LMTK2: variants seen among roughly 807,000 people sequenced by gnomAD.
LMTK2 encodes the protein serine/threonine-protein kinase LMTK2.
A neutral mutation model predicts 127.5 loss-of-function variants in LMTK2; 37 were observed. That is an observed-to-expected ratio of 0.29 (90% CI 0.22 to 0.38). The LOEUF (loss-of-function observed/expected upper bound fraction) is 0.38. Ranked by LOEUF, LMTK2 falls within the 10% of genes least tolerant of loss-of-function variation. The pLI, the probability that LMTK2 is intolerant of heterozygous loss-of-function variation, is 1.00. For missense variants in LMTK2, 1,694 were observed against 1,920.3 expected, an observed-to-expected ratio of 0.88 and a Z score of 2.20; for synonymous variants, 819 against 810.1, an observed-to-expected ratio of 1.01 and a Z score of -0.19.
chr7:98,173,634 T>G (rs187978377), intron 7 of LMTK2, among the ~76,000 whole-genome samples: 1 of 152,348 alleles, frequency 6.6e-6, no homozygotes, highest in East Asian at 1.9e-4. Context: ...TCAGAGTAAA[T>G]AGTATTTTCC....
At chr7:98,164,066 C>G (rs1489836711) in intron 6 of LMTK2, among the ~76,000 whole-genome samples, 1 of 152,178 alleles carries the variant, frequency 6.6e-6, no homozygotes, top group South Asian at 2.1e-4. Flanking sequence ...TGGAATTAAC[C>G]AGCCTGTTTT....
At chr7:98,134,855 C>T (rs1796577052) in intron 1 of LMTK2, among the ~76,000 whole-genome samples, 1 of 152,126 alleles carries the variant, frequency 6.6e-6, no homozygotes, top group Admixed American at 6.5e-5. Context: ...TTAGGGAGTT[C>T]TTGTTCTCAT....
In LMTK2 at chr7:98,141,471, A is replaced by T. The variant is rs960435987; in HGVS notation, c.306A>T (p.Pro102=). ...PAEDTPSVQS[P]AEVFTLSVPN... The stretch of plus-strand genomic sequence containing the variant: ...AAGACACTCCCTCTGTTCAGTCCCC[A>T]GCAGAGGTCTTCACACTTTCAGTAC... The change falls in exon 3 of 14, where the codon CCA becomes CCT. Residue 102 remains proline (P), a synonymous_variant. Transcript: ENST00000297293. 4 of 1,613,850 alleles carry T rather than the reference A, an allele frequency of 2.5e-6. No homozygotes were observed. Among genetic ancestry groups the T allele is most frequent in the Non-Finnish European group, 3.4e-6 (4 of 1,179,684 alleles).
At chr7:98,111,905 T>C (rs768483915) in intron 1 of LMTK2, among the ~76,000 whole-genome samples, 11 of 152,240 alleles carry the variant, frequency 7.2e-5, no homozygotes, top group Admixed American at 7.2e-4. Context: ...ATTCGTAGTG[T>C]TGGAGAACTA....
Position 98,192,899 on chromosome 7 carries a change from GA to G in LMTK2, c.2436del (p.Val813CysfsTer33). The G allele has an allele frequency of 6.2e-7, 1 of 1,614,134 alleles. No individual in the cohort carries two copies. Among genetic ancestry groups the G allele is most frequent in the South Asian group, 1.1e-5 (1 of 91,082 alleles). On this transcript the variant is annotated frameshift_variant, in exon 11 of 14. Coordinates refer to ENST00000297293, the MANE Select transcript of LMTK2 (RefSeq NM_014916.4). LOFTEE classifies it high-confidence loss of function. ...TLSTSLQSSP[E>X]VQVPPTSFET... is the part of the protein sequence containing the mutation. ...GAGCACCTCATTGCAGTCTTCCCCG[GA>G]AGTGCAGGTACCTCCTACCTCCTTC...
intron 1 of LMTK2, among the ~76,000 whole-genome samples, chr7:98,118,316 T>C (rs1328399583): frequency 1.3e-5 from 2 of 152,230 alleles, no homozygotes; most frequent in Non-Finnish European, 2.9e-5. Flanking sequence ...AGCAGCTTAA[T>C]CTCTGAGAAT....
Position 98,191,986 on chromosome 7 carries a change from T to G in LMTK2, c.1521T>G (p.Val507=). 1.2e-6 allele frequency: 2 copies of G among 1,613,382 alleles called. No individual in the cohort carries two copies. Among genetic ancestry groups the G allele is most frequent in the Non-Finnish European group, 1.7e-6 (2 of 1,179,432 alleles). Residue 507 remains valine (V), a synonymous_variant, in exon 11 of 14, where the codon GTT becomes GTG. Coordinates refer to ENST00000297293, the MANE Select transcript of LMTK2 (RefSeq NM_014916.4). ...GLSYTSIFYP[V]EVFESSLSDP... ...CCTACACGAGCATCTTCTATCCGGT[T>G]GAAGTTTTTGAGAGTTCGCTTTCAG...
At chr7:98,182,749 G>T (rs1054067075) in intron 7 of LMTK2, among the ~76,000 whole-genome samples, 3 of 152,176 alleles carry the variant, frequency 2.0e-5, no homozygotes, top group Admixed American at 6.5e-5. Context: ...CCCCAAAATG[G>T]TTGAAAACAG....
At chr7:98,123,382 T>C (rs1466008094) in intron 1 of LMTK2, among the ~76,000 whole-genome samples, 2 of 152,192 alleles carry the variant, frequency 1.3e-5, no homozygotes, top group Admixed American at 6.5e-5. Context: ...TACAGTTCTT[T>C]GGTTAGTTTT....
Position 98,204,210 on chromosome 7 carries a change from A to T in LMTK2, c.4483+24A>T, listed in dbSNP as rs1479673145. 5.6e-6 allele frequency: 7 copies of T among 1,255,050 alleles called. No homozygotes were observed. In the African/African-American group the frequency reaches 7.4e-5, roughly 13 times the overall value. 77.7% of individuals were successfully genotyped at this position (1,255,050 alleles called of 1,614,324 possible). ...CGGTGAGAGGCGCTGCGTGCTGGGG[A>T]TTGGGAGTGCAGGGTCGGGGGTGGG... On this transcript the variant is annotated intron_variant, in intron 13 of 13. Coordinates refer to ENST00000297293, the MANE Select transcript of LMTK2 (RefSeq NM_014916.4).
chr7:98,157,181 G>A (rs1796936867), intron 5 of LMTK2, among the ~76,000 whole-genome samples: 1 of 151,960 alleles, frequency 6.6e-6, no homozygotes, highest in Admixed American at 6.6e-5. Context: ...GAGCCCAGGT[G>A]TTCAAGGCTG....
rs1388644382 is a variant in LMTK2 at position 98,209,423 on chromosome 7, C to T, written c.*3931C>T. Reference sequence around the variant, plus strand: ...GTCTGCAGAGGAGGACGTAGGGGGCCGTCACACCCACCAGGCCTCCCTGCT... The same window carrying T: ...GTCTGCAGAGGAGGACGTAGGGGGCTGTCACACCCACCAGGCCTCCCTGCT... On this transcript the variant is annotated 3_prime_UTR_variant, in exon 14 of 14. Coordinates refer to ENST00000297293, the MANE Select transcript of LMTK2 (RefSeq NM_014916.4). The T allele has an allele frequency of 1.3e-5, 2 of 152,100 alleles. No individual in the cohort carries two copies. The highest frequency in any genetic ancestry group is 2.1e-4 in the South Asian group (1 of 4,818). The allele number at this position is 152,100 out of a possible 1,614,324, so 9.4% of individuals were successfully genotyped here. A position where few individuals can be genotyped will look rare whatever the true frequency, so the allele number is the denominator to read the frequency against.
intron 6 of LMTK2, among the ~76,000 whole-genome samples, chr7:98,170,873 G>T (rs748758306): frequency 6.6e-5 from 10 of 152,098 alleles, no homozygotes; most frequent in Non-Finnish European, 1.2e-4. Flanking sequence ...CATGTGCTGG[G>T]CATCTGACTG....
intron 7 of LMTK2, among the ~76,000 whole-genome samples, chr7:98,172,826 C>T (rs547574681): frequency 3.0e-4 from 45 of 152,252 alleles, no homozygotes; most frequent in Non-Finnish European, 5.4e-4. Flanking sequence ...GATGTGATCT[C>T]GGCTCACTAC....
intron 1 of LMTK2, among the ~76,000 whole-genome samples, chr7:98,116,630 T>A (rs551812391): frequency 6.8e-4 from 104 of 152,268 alleles, no homozygotes; most frequent in African/African-American, 2.2e-3. Flanking sequence ...TAGTACAGAG[T>A]GTTCCTGTGT....
rs1584235129 is a variant in LMTK2, at chr7:98,106,937, G to C, written c.-241G>C. 1 of 462,426 alleles carries C rather than the reference G, an allele frequency of 2.2e-6. No individual in the cohort carries two copies. Among genetic ancestry groups the C allele is most frequent in the Non-Finnish European group, 3.8e-6 (1 of 261,102 alleles). 28.6% of individuals were successfully genotyped at this position (462,426 alleles called of 1,614,324 possible). On this transcript the variant is annotated 5_prime_UTR_variant, in exon 1 of 14. Transcript: ENST00000297293. The stretch of plus-strand genomic sequence containing the variant: ...GCCGCTCCGCAGGGCTGCTGGCGTT[G>C]CTGCTGTTGAGAGGCGGCGGCGGCG...
At chr7:98,197,633 G>A (rs554825178) in intron 11 of LMTK2, among the ~76,000 whole-genome samples, 4 of 152,312 alleles carry the variant, frequency 2.6e-5, no homozygotes, top group East Asian at 1.9e-4. Flanking sequence ...CAGGAGGATC[G>A]CTTAAGGCCA....
rs775902620 is a variant in LMTK2 at position 98,204,047 on chromosome 7, C to T, written c.4344C>T (p.Tyr1448=). 2 of 1,614,104 alleles carry T rather than the reference C, an allele frequency of 1.2e-6. No homozygotes were observed. Among genetic ancestry groups the T allele is most frequent in the East Asian group, 4.5e-5 (2 of 44,878 alleles). The change falls in exon 13 of 14, where the codon TAC becomes TAT. Residue 1448 remains tyrosine, a synonymous_variant. Transcript: ENST00000297293. ...AGCCTTCTCTCCAAACATCCAAGTA[C>T]TTTTCTCCGCCGCCACCGGCCCGGA... is the stretch of plus-strand genomic sequence containing the variant. ...SSKPSLQTSK[Y]FSPPPPARST...
intron 5 of LMTK2, among the ~76,000 whole-genome samples, chr7:98,156,954 TA>T (rs1796934045): frequency 6.6e-6 from 1 of 152,162 alleles, no homozygotes; most frequent in African/African-American, 2.4e-5. Context: ...TCCACCGATT[TA>T]AATAGTCATC....
Sources: gnomAD v4.1 joint callset for allele counts (sites outside exome capture counted in the v4.1 genomes callset) on GRCh38, gnomAD v4.1.1 for gene constraint, MANE v1.5 for transcripts, NCBI Gene and HGNC (gene_info 2026-07-23, HGNC 2026-07-21) for gene names.